The following SLC10A7 variants were observed in gnomAD, a reference collection of about 807,000 sequenced individuals.
The protein encoded by SLC10A7 is solute carrier family 10 member 7, also known as sodium/bile acid cotransporter 7.
A neutral mutation model predicts 43.2 loss-of-function variants in SLC10A7; 29 were observed. The observed-to-expected ratio is 0.67, with a 90% confidence interval of 0.50 to 0.92. SLC10A7 has a LOEUF of 0.92. Among genes scored for constraint, SLC10A7 ranks in the 40% least tolerant of loss-of-function variants. The pLI is 0.00. For synonymous variants in SLC10A7, 152 were observed against 144.8 expected, an observed-to-expected ratio of 1.05 and a Z score of -0.35; for missense variants, 295 against 403.2, an observed-to-expected ratio of 0.73 and a Z score of 2.30.
At chr4:146,435,597 C>A (rs1730145363) in intron 5 of SLC10A7, among the ~76,000 whole-genome samples, 1 of 152,046 alleles carries the variant, frequency 6.6e-6, no homozygotes, top group African/African-American at 2.4e-5. Flanking sequence ...ATGCCAGAAC[C>A]CCAAAATATT....
chr4:146,465,546 GA>G (rs796389534), intron 4 of SLC10A7, among the ~76,000 whole-genome samples: 5 of 151,856 alleles, frequency 3.3e-5, no homozygotes, highest in African/African-American at 4.8e-5. Flanking sequence ...TATTTTATTA[GA>G]AAAAAAGATA....
At chr4:146,301,472 G>A (rs1309351114) in intron 7 of SLC10A7, among the ~76,000 whole-genome samples, 1 of 152,206 alleles carries the variant, frequency 6.6e-6, no homozygotes, top group African/African-American at 2.4e-5. Flanking sequence ...GCACGAGCAA[G>A]TTTTTAAGGA....
At position 146,446,606 on chromosome 4, in the gene SLC10A7, C is replaced by T. The variant is rs1579208469; in HGVS notation, c.397-3785G>A. On this transcript the variant is annotated intron_variant, in intron 4 of 11. Coordinates refer to ENST00000335472, the MANE Select transcript of SLC10A7 (RefSeq NM_001029998.6). Reference sequence around the variant, plus strand: ...AAAAAAAAAAAATGAAAATAAATGACCTACTTACATGCCTCTCTCCGCTGG... The same window carrying T: ...AAAAAAAAAAAATGAAAATAAATGATCTACTTACATGCCTCTCTCCGCTGG... Among the ~76,000 whole-genome samples the T allele has an allele frequency of 2.0e-5, 3 of 151,598 alleles. No homozygotes were observed. In the Middle Eastern group the frequency reaches 0.01, roughly 516 times the overall value.
intron 5 of SLC10A7, among the ~76,000 whole-genome samples, chr4:146,380,520 C>T (rs893644885): frequency 1.3e-5 from 2 of 152,064 alleles, no homozygotes; most frequent in Non-Finnish European, 2.9e-5. Flanking sequence ...GTTTTAAAAG[C>T]GATTCAGTTC....
chr4:146,509,867 A>G lies in SLC10A7; in HGVS notation c.320+46T>C. 7 of 1,577,012 alleles carry G rather than the reference A, an allele frequency of 4.4e-6. No homozygotes were observed. The South Asian group carries it at 8.2e-5, about 18-fold the overall frequency. ...GCCATAGAAACAATAATGTCTCTAG[A>G]GATGCCCCATTAAAAGTGGACCCAC... On this transcript the variant is annotated intron_variant, in intron 3 of 11. Coordinates refer to ENST00000335472, the MANE Select transcript of SLC10A7 (RefSeq NM_001029998.6).
At chr4:146,435,075 C>T (rs1156477390) in intron 5 of SLC10A7, among the ~76,000 whole-genome samples, 1 of 151,972 alleles carries the variant, frequency 6.6e-6, no homozygotes, top group African/African-American at 2.4e-5. Context: ...GTAGGAAGTC[C>T]ACAAATGTTT....
intron 6 of SLC10A7, among the ~76,000 whole-genome samples, chr4:146,311,803 C>G (rs1469450883): frequency 6.6e-6 from 1 of 152,128 alleles, no homozygotes; most frequent in African/African-American, 2.4e-5. Flanking sequence ...CACAGACACA[C>G]TCCTAATACC....
intron 4 of SLC10A7, among the ~76,000 whole-genome samples, chr4:146,453,578 G>A (rs1323036713): frequency 6.6e-6 from 1 of 151,884 alleles, no homozygotes. Flanking sequence ...TTTACATATT[G>A]TTCCAACTAC....
chr4:146,274,987 T>C (rs756324247), intron 10 of SLC10A7, among the ~76,000 whole-genome samples: 61 of 152,110 alleles, frequency 4.0e-4, no homozygotes, highest in African/African-American at 1.1e-3. Flanking sequence ...TTCTGCTAGA[T>C]CAAAGCTTCC....
At position 146,278,978 on chromosome 4, in the gene SLC10A7, A is replaced by C. The variant is rs530526777; in HGVS notation, c.847+4214T>G. On this transcript the variant is annotated intron_variant, in intron 10 of 11. Transcript: ENST00000335472. ...GACCCATAATTAAGTACATATAAAC[A>C]ATGTAAGAAATAGTTTCCTTGATTT... Among the ~76,000 whole-genome samples, 5 of 152,332 alleles carry C rather than the reference A, an allele frequency of 3.3e-5. No individual in the cohort carries two copies. In the South Asian group the frequency reaches 1.0e-3, roughly 32 times the overall value.
chr4:146,482,934 T>C (rs1734600961), intron 4 of SLC10A7, among the ~76,000 whole-genome samples: 1 of 151,972 alleles, frequency 6.6e-6, no homozygotes, highest in Admixed American at 6.5e-5. Flanking sequence ...AGTGGAATGA[T>C]ATATTCAAAG....
intron 5 of SLC10A7, among the ~76,000 whole-genome samples, chr4:146,420,963 G>A (rs1728920810): frequency 3.3e-5 from 5 of 152,050 alleles, no homozygotes; most frequent in Admixed American, 2.6e-4. Flanking sequence ...GGAGGTTGAG[G>A]CTGCAGTGAC....
At chr4:146,366,331 T>C (rs1199578173) in intron 5 of SLC10A7, among the ~76,000 whole-genome samples, 1 of 152,180 alleles carries the variant, frequency 6.6e-6, no homozygotes, top group African/African-American at 2.4e-5. Flanking sequence ...CACCTTACAT[T>C]CTGTAGCAGG....
rs1389253221 is a variant in SLC10A7, at chr4:146,255,675, G to C, written c.*816C>G. 1 of 152,194 alleles carries C rather than the reference G, an allele frequency of 6.6e-6. No individual in the cohort carries two copies. The highest frequency in any genetic ancestry group is 1.9e-4 in the East Asian group (1 of 5,204). 9.4% of individuals were successfully genotyped at this position (152,194 alleles called of 1,614,324 possible). On this transcript the variant is annotated 3_prime_UTR_variant, in exon 12 of 12. Coordinates refer to ENST00000335472, the MANE Select transcript of SLC10A7 (RefSeq NM_001029998.6). ...CATTAATTGATGCTGCTTTCAAACT[G>C]ATTGTAACATTTTTGTGCCTCATAT...
rs572037134 is a variant in SLC10A7, at chr4:146,517,021, C to T, written c.183+17G>A. ...ATTTTTCTCCCTGCTTTTCATGTGTCCCATAGATGACAGTACCTCTGTTTT... is the reference window on the plus strand; with the variant it reads ...ATTTTTCTCCCTGCTTTTCATGTGTTCCATAGATGACAGTACCTCTGTTTT... On this transcript the variant is annotated intron_variant, in intron 2 of 11. Transcript: ENST00000335472. 1.6e-5 allele frequency: 25 copies of T among 1,557,230 alleles called. No homozygotes were observed. The South Asian group carries it at 1.7e-4, about 10-fold the overall frequency.
intron 5 of SLC10A7, among the ~76,000 whole-genome samples, chr4:146,405,696 C>G (rs951287152): frequency 6.6e-6 from 1 of 152,114 alleles, no homozygotes; most frequent in African/African-American, 2.4e-5. Flanking sequence ...GATTAAAAGT[C>G]TAACTGGGTA....
chr4:146,503,499 G>T (rs2150030377), intron 4 of SLC10A7, among the ~76,000 whole-genome samples: 1 of 152,080 alleles, frequency 6.6e-6, no homozygotes, highest in East Asian at 1.9e-4. Flanking sequence ...CAAATTTTTT[G>T]GAGATAAGGA....
chr4:146,383,869 A>T (rs1737809365), intron 5 of SLC10A7, among the ~76,000 whole-genome samples: 1 of 152,154 alleles, frequency 6.6e-6, no homozygotes, highest in South Asian at 2.1e-4. Flanking sequence ...GATGTCAGGT[A>T]TGTTCTAAGC....
chr4:146,280,706 T>C (rs1206565702), intron 10 of SLC10A7, among the ~76,000 whole-genome samples: 1 of 152,138 alleles, frequency 6.6e-6, no homozygotes, highest in Non-Finnish European at 1.5e-5. Flanking sequence ...ATTCTAGCAT[T>C]AGTATCTAAA....
Sources: allele counts gnomAD v4.1 joint callset (sites outside exome capture counted in the v4.1 genomes callset), GRCh38; gene constraint gnomAD v4.1.1; transcripts MANE v1.5; gene names NCBI Gene and HGNC (gene_info 2026-07-23, HGNC 2026-07-21).